Variants in CERS3 observed in about 807,000 individuals in gnomAD.
CERS3 encodes the protein ceramide synthase 3, also known as LAG1 homolog, ceramide synthase 3.
A neutral mutation model predicts 50.3 loss-of-function variants in CERS3; 33 were observed. That is an observed-to-expected ratio of 0.66 (90% confidence interval 0.50 to 0.88). CERS3 has a LOEUF of 0.88. Ranked by LOEUF, CERS3 falls within the 40% of genes least tolerant of loss-of-function variation. The pLI is 0.00. For synonymous variants in CERS3, 176 were observed against 155.2 expected (o/e 1.13, Z -0.99); for missense variants, 470 against 460.3 (o/e 1.02, Z -0.19).
chr15:100,486,206 T>C (rs2035477665), intron 4 of CERS3, among the ~76,000 whole-genome samples: 1 of 152,238 alleles, frequency 6.6e-6, no homozygotes, highest in African/African-American at 2.4e-5. Context: ...GCCAGATGGC[T>C]GAATACCCAA....
intron 11 of CERS3, among the ~76,000 whole-genome samples, chr15:100,441,071 C>T (rs546607915): frequency 1.3e-4 from 20 of 152,278 alleles, no homozygotes; most frequent in African/African-American, 2.6e-4. Flanking sequence ...CGGCAAGTCC[C>T]GCTTTTCTGG....
rs1308464959 is a variant in CERS3 at position 100,402,451 on chromosome 15, T to G, written c.*262A>C. 2.2e-6 allele frequency: 1 copy of G among 448,788 alleles called. No individual in the cohort carries two copies. Among genetic ancestry groups the G allele is most frequent in the Non-Finnish European group, 4.0e-6 (1 of 251,460 alleles). 27.8% of individuals were successfully genotyped at this position (448,788 alleles called of 1,614,324 possible). ...AGTGACATGCATGAGGGAGTGCAATTAGAACTGAGACGGTTCTGTGGAGAA... is the reference window on the plus strand; with the variant it reads ...AGTGACATGCATGAGGGAGTGCAATGAGAACTGAGACGGTTCTGTGGAGAA... On this transcript the variant is annotated 3_prime_UTR_variant, in exon 12 of 12. Coordinates refer to ENST00000679737, the MANE Select transcript of CERS3 (RefSeq NM_001378789.1).
chr15:100,432,657 A>G (rs1174971615), intron 11 of CERS3, among the ~76,000 whole-genome samples: 1 of 152,246 alleles, frequency 6.6e-6, no homozygotes, highest in Non-Finnish European at 1.5e-5. Context: ...TAATCTGGAT[A>G]AAATAGAACA....
chr15:100,421,126 A>C (rs1410172727), intron 11 of CERS3, among the ~76,000 whole-genome samples: 1 of 151,706 alleles, frequency 6.6e-6, no homozygotes, highest in East Asian at 1.9e-4. Context: ...TCAATTAGGA[A>C]AAGAGGAAGT....
At chr15:100,542,652 T>C (rs1213919068) in intron 1 of CERS3, among the ~76,000 whole-genome samples, 2 of 152,214 alleles carry the variant, frequency 1.3e-5, no homozygotes, top group African/African-American at 4.8e-5. Flanking sequence ...GCAATAATTA[T>C]TACTACCATA....
chr15:100,449,347 C>T (rs867794547), intron 11 of CERS3, among the ~76,000 whole-genome samples: 4 of 152,296 alleles, frequency 2.6e-5, no homozygotes, highest in East Asian at 1.9e-4. Context: ...TGACTGCTAC[C>T]GCCATTGCCC....
intron 11 of CERS3, among the ~76,000 whole-genome samples, chr15:100,452,810 A>C (rs2034220371): frequency 6.6e-6 from 1 of 152,128 alleles, no homozygotes; most frequent in Non-Finnish European, 1.5e-5. Flanking sequence ...GAAACAAAAA[A>C]GACACATTAC....
intron 11 of CERS3, among the ~76,000 whole-genome samples, chr15:100,446,611 A>C (rs1229697680): frequency 3.3e-5 from 5 of 152,148 alleles, no homozygotes; most frequent in Non-Finnish European, 7.3e-5. Flanking sequence ...CACACAAGTC[A>C]CTCAATCTGA....
chr15:100,450,416 C>CAAAAAAAAAAAA (rs34873483), intron 11 of CERS3, among the ~76,000 whole-genome samples: 5 of 63,426 alleles, frequency 7.9e-5, no homozygotes, highest in East Asian at 4.8e-4. Flanking sequence ...GACTCTGTCT[C>CAAAAAAAAAAAA]AAAAAAAAAA....
chr15:100,417,740 G>A (rs1378534409), intron 11 of CERS3, among the ~76,000 whole-genome samples: 10 of 151,812 alleles, frequency 6.6e-5, no homozygotes, highest in Admixed American at 3.3e-4. Flanking sequence ...ATCTGAGAAC[G>A]GGCAGACTGC....
chr15:100,510,287 A>AG (rs2036302340), intron 2 of CERS3, among the ~76,000 whole-genome samples: 1 of 152,214 alleles, frequency 6.6e-6, no homozygotes, highest in South Asian at 2.1e-4. Context: ...CTGAAGAGAG[A>AG]GAAAAAAAAG....
intron 11 of CERS3, among the ~76,000 whole-genome samples, chr15:100,418,934 C>A (rs1292900955): frequency 2.0e-5 from 3 of 150,530 alleles, no homozygotes; most frequent in African/African-American, 7.3e-5. Context: ...GAAGGAAGCA[C>A]TAAACATGGA....
intron 1 of CERS3, among the ~76,000 whole-genome samples, chr15:100,538,891 T>C (rs2037135524): frequency 6.6e-6 from 1 of 152,230 alleles, no homozygotes; most frequent in Non-Finnish European, 1.5e-5. Flanking sequence ...GCAATTCTTT[T>C]AAACATAAGT....
chr15:100,415,746 C>T (rs4393554), intron 11 of CERS3, among the ~76,000 whole-genome samples: 85,623 of 151,704 alleles, frequency 0.56, 24,432 homozygotes, highest in Non-Finnish European at 0.6. Context: ...ACAATGAGAA[C>T]ACACGGACAT....
intron 9 of CERS3, among the ~76,000 whole-genome samples, chr15:100,471,602 T>C (rs1173297857): frequency 6.6e-6 from 1 of 152,190 alleles, no homozygotes; most frequent in Non-Finnish European, 1.5e-5. Flanking sequence ...TCAGGATTAC[T>C]GAGATACGAT....
chr15:100,495,885 C>T (rs998777353), intron 3 of CERS3, among the ~76,000 whole-genome samples: 1 of 152,174 alleles, frequency 6.6e-6, no homozygotes, highest in Non-Finnish European at 1.5e-5. Flanking sequence ...TACTATGAAT[C>T]AGCCTTAGAA....
At chr15:100,454,707 T>C (rs2034300893) in intron 11 of CERS3, among the ~76,000 whole-genome samples, 1 of 152,034 alleles carries the variant, frequency 6.6e-6, no homozygotes, top group Admixed American at 6.6e-5. Context: ...AAAACCAAAA[T>C]AGACACATGG....
chr15:100,449,642 G>A (rs570265377), intron 11 of CERS3, among the ~76,000 whole-genome samples: 2 of 152,184 alleles, frequency 1.3e-5, no homozygotes, highest in East Asian at 1.9e-4. Flanking sequence ...GTTGTTTATA[G>A]CCAAAAAAAA....
rs116836353 is a variant in CERS3 at position 100,432,765 on chromosome 15, A to T, written c.999+23128T>A. On this transcript the variant is annotated intron_variant, in intron 11 of 11. Coordinates refer to ENST00000679737, the MANE Select transcript of CERS3 (RefSeq NM_001378789.1). Reference sequence around the variant, plus strand: ...TTAGCCTGCAGAAACAGAGTCACGTACGTTCGAAAGAATTGTATGTATTTA... The same window carrying T: ...TTAGCCTGCAGAAACAGAGTCACGTTCGTTCGAAAGAATTGTATGTATTTA... Among the ~76,000 whole-genome samples, 979 of 152,276 alleles carry T rather than the reference A, an allele frequency of 6.4e-3. 11 individuals carry two copies. Among genetic ancestry groups the T allele is most frequent in the African/African-American group, 0.022 (921 of 41,544 alleles).
Sources: gnomAD v4.1 joint callset for allele counts (sites outside exome capture counted in the v4.1 genomes callset) on GRCh38, gnomAD v4.1.1 for gene constraint, MANE v1.5 for transcripts, NCBI Gene and HGNC (gene_info 2026-07-23, HGNC 2026-07-21) for gene names.